Variants in KIF1B observed in about 807,000 individuals in gnomAD.
KIF1B encodes the protein kinesin family member 1B, also known as kinesin-like protein KIF1B.
In KIF1B, 76 loss-of-function variants were observed where a neutral mutation model predicts 241.9. The ratio of observed to expected loss-of-function variants is 0.31; its 90% CI spans 0.26 to 0.38. KIF1B has a LOEUF of 0.38. Among genes scored for constraint, KIF1B ranks in the 10% least tolerant of loss-of-function variants. KIF1B has a pLI of 1.00. For synonymous variants in KIF1B, 750 were observed against 796.7 expected (o/e 0.94, Z 0.99); for missense variants, 1,622 against 2,271.4 (o/e 0.71, Z 5.81).
chr1:10,326,698 G>GAA lies in KIF1B; in HGVS notation c.2924+340_2924+341dup, dbSNP rs1205520650. Among the ~76,000 whole-genome samples the GAA allele has an allele frequency of 6.6e-6, 1 of 152,178 alleles. No individual in the cohort carries two copies. Among genetic ancestry groups the GAA allele is most frequent in the Non-Finnish European group, 1.5e-5 (1 of 68,034 alleles). ...AAGAGTCAAACGTAGTGGGTTCAGTGAATAGTATTATGGTCTAGATGTTTC... is the reference window on the plus strand; with the variant it reads ...AAGAGTCAAACGTAGTGGGTTCAGTGAAAATAGTATTATGGTCTAGATGTTTC... On this transcript the variant is annotated intron_variant, in intron 27 of 48. Coordinates refer to ENST00000676179, the MANE Select transcript of KIF1B (RefSeq NM_001365951.3). The surrounding 1 kb of genome is among the most constrained non-coding windows in gnomAD (Gnocchi z 5.2).
chr1:10,376,577 C>T lies in KIF1B; in HGVS notation c.5441C>T (p.Ser1814Leu), dbSNP rs761319935. The change falls in exon 49 of 49, where the codon TCG becomes TTG. Residue 1814 changes from serine (S) to leucine (L), a missense_variant. Around this residue, in one of 7 missense-constraint regions of KIF1B, gnomAD observed 357 missense variants for 409.0 expected, o/e 0.87. Transcript: ENST00000676179. ...SKLSRRCPSQSKY is the reference protein window; with the variant it reads ...SKLSRRCPSQLKY ...CTTTCCCGCAGATGCCCGAGCCAGTCGAAATACTAAGTGACTCTGCCGAGT... is the reference window on the plus strand; with the variant it reads ...CTTTCCCGCAGATGCCCGAGCCAGTTGAAATACTAAGTGACTCTGCCGAGT... The T allele has an allele frequency of 6.2e-6, 10 of 1,613,972 alleles. No individual in the cohort carries two copies. The highest frequency in any genetic ancestry group is 2.2e-5 in the South Asian group (2 of 91,040).
chr1:10,335,841 G>GA (rs70997221), intron 28 of KIF1B, among the ~76,000 whole-genome samples: 51,067 of 143,844 alleles, frequency 0.36, 8,777 homozygotes, highest in Middle Eastern at 0.39. Context: ...AAAAACAATT[G>GA]AAAAAAAAAA....
At chr1:10,322,949 T>A (rs552651086) in intron 24 of KIF1B, among the ~76,000 whole-genome samples, 28 of 152,342 alleles carry the variant, frequency 1.8e-4, no homozygotes, top group African/African-American at 6.7e-4. Flanking sequence ...CACTTTTTTT[T>A]ATGAGATAGG....
At chr1:10,359,141 C>G (rs1209543800) in intron 38 of KIF1B, among the ~76,000 whole-genome samples, 2 of 151,858 alleles carry the variant, frequency 1.3e-5, no homozygotes, top group African/African-American at 4.8e-5. Flanking sequence ...AATGTGTTCT[C>G]TCTGTTGATC....
At chr1:10,276,892 C>G (rs1557682778) in intron 12 of KIF1B, among the ~76,000 whole-genome samples, 1 of 151,918 alleles carries the variant, frequency 6.6e-6, no homozygotes, top group Admixed American at 6.6e-5. Flanking sequence ...ACCAGCCTGG[C>G]CAACATGATG....
chr1:10,343,587 C>T (rs563912609), intron 34 of KIF1B, among the ~76,000 whole-genome samples: 26 of 152,024 alleles, frequency 1.7e-4, no homozygotes, highest in African/African-American at 5.5e-4. Context: ...GTGAAACCCT[C>T]GTCTCTACTA....
chr1:10,352,860 A>G, intron 38 of KIF1B, 124 bp downstream of exon 38: 2 of 704,654 alleles, frequency 2.8e-6, no homozygotes, highest in Non-Finnish European at 5.1e-6. Flanking sequence ...TCTCCCTTCT[A>G]GCTTCAAAAA....
intron 22 of KIF1B, among the ~76,000 whole-genome samples, chr1:10,313,045 C>CT (rs1651134824): frequency 2.0e-5 from 3 of 151,434 alleles, no homozygotes. Context: ...ATAGTACCAT[C>CT]TTTATTTTTT....
In KIF1B at chr1:10,371,163, G is replaced by A. The variant is rs2102358105; in HGVS notation, c.4847G>A (p.Gly1616Glu). The change falls in exon 45 of 49, where the codon GGA becomes GAA. Residue 1616 changes from glycine to glutamate, a missense_variant. Coordinates refer to ENST00000676179, the MANE Select transcript of KIF1B (RefSeq NM_001365951.3). The stretch of plus-strand genomic sequence containing the variant: ...CAGTTGTCTGATATCTCTCCAATTG[G>A]ACGGGATCCCTCTGAGTCCAGTTTC... The part of the protein sequence containing the change: ...DCKLSDISPI[G>E]RDPSESSFSS... 1.2e-6 allele frequency: 2 copies of A among 1,614,054 alleles called. No homozygotes were observed. Among genetic ancestry groups the A allele is most frequent in the Non-Finnish European group, 1.7e-6 (2 of 1,180,028 alleles).
Position 10,268,234 on chromosome 1 carries a change from GATA to G in KIF1B, c.694_696del (p.Asn232del). The G allele has an allele frequency of 1.2e-6, 2 of 1,612,720 alleles. No individual in the cohort carries two copies. The highest frequency in any genetic ancestry group is 1.7e-6 in the Non-Finnish European group (2 of 1,178,736). On this transcript the variant is annotated inframe_deletion, in exon 7 of 49. Transcript: ENST00000676179. ...GATTGTTTTCACCCAGAAGAAACAC[GATA>G]ATGAGACCAACCTTTCCACTGAGAA...
chr1:10,254,724 A>AC (rs1251642278), intron 2 of KIF1B, among the ~76,000 whole-genome samples: 1 of 151,754 alleles, frequency 6.6e-6, no homozygotes, highest in Non-Finnish European at 1.5e-5. Flanking sequence ...AAAATACAAA[A>AC]AAATTAGCTG....
chr1:10,361,666 T>A, intron 39 of KIF1B, 26 bp from the exon 40 acceptor site: 1 of 1,613,074 alleles, frequency 6.2e-7, no homozygotes. Flanking sequence ...CTGCACTTCA[T>A]CAGCACCTAC....
intron 22 of KIF1B, among the ~76,000 whole-genome samples, chr1:10,302,470 A>T (rs894334535): frequency 2.6e-5 from 4 of 152,234 alleles, no homozygotes; most frequent in African/African-American, 9.6e-5. Flanking sequence ...CTAAGAACTG[A>T]CATGGTCTGC....
intron 24 of KIF1B, among the ~76,000 whole-genome samples, chr1:10,323,014 G>A (rs975734691): frequency 6.6e-6 from 1 of 152,076 alleles, no homozygotes; most frequent in Non-Finnish European, 1.5e-5. Flanking sequence ...GCTCACTACT[G>A]CCTCCACCTT....
intron 27 of KIF1B, among the ~76,000 whole-genome samples, chr1:10,332,185 G>A (rs977346153): frequency 6.0e-5 from 9 of 149,414 alleles, no homozygotes; most frequent in African/African-American, 1.5e-4. Flanking sequence ...CTGCCTCGGC[G>A]CCCCCGAGTA....
At chr1:10,364,200 CTT>C (rs779967463) in intron 41 of KIF1B, among the ~76,000 whole-genome samples, 11 of 113,838 alleles carry the variant, frequency 9.7e-5, no homozygotes, top group African/African-American at 1.7e-4. Flanking sequence ...GGGACAGGAT[CTT>C]TTTTTTTTTT....
chr1:10,341,925 G>C lies in KIF1B; in HGVS notation c.3514-125G>C, dbSNP rs138254422. The C allele has an allele frequency of 1.2e-4, 89 of 722,362 alleles. 2 individuals carry two copies. In the East Asian group the frequency reaches 2.2e-3, roughly 18 times the overall value. The allele number at this position is 722,362 out of a possible 1,614,324, so 44.7% of individuals were successfully genotyped here. A position where few individuals can be genotyped will look rare whatever the true frequency, so the allele number is the denominator to read the frequency against. ...GGGTGAGGCCGCATGAGCCTTGTTT[G>C]CGTGCTACAGAGCAAGACCTTGCCT... On this transcript the variant is annotated intron_variant, in intron 32 of 48. Transcript: ENST00000676179.
Position 10,334,704 on chromosome 1 carries a change from T to C in KIF1B, c.3043+66T>C, listed in dbSNP as rs1652098690. The C allele has an allele frequency of 2.4e-6, 3 of 1,244,626 alleles. No homozygotes were observed. In the East Asian group the frequency reaches 7.0e-5, roughly 29 times the overall value. 77.1% of individuals were successfully genotyped at this position (1,244,626 alleles called of 1,614,324 possible). The stretch of plus-strand genomic sequence containing the variant: ...GTCTAGAGACAAAGCAGGCTGATTC[T>C]GCGTGGGTCACGCTTATATTACACA... On this transcript the variant is annotated intron_variant, in intron 28 of 48. Coordinates refer to ENST00000676179, the MANE Select transcript of KIF1B (RefSeq NM_001365951.3).
chr1:10,270,818 C>T (rs767642895), intron 7 of KIF1B, among the ~76,000 whole-genome samples: 10 of 150,648 alleles, frequency 6.6e-5, no homozygotes, highest in Non-Finnish European at 1.3e-4. Flanking sequence ...CTCAGCTACT[C>T]GGGAGGCTGA....
Sources: allele counts gnomAD v4.1 joint callset (sites outside exome capture counted in the v4.1 genomes callset), GRCh38; gene constraint gnomAD v4.1.1; regional missense constraint gnomAD v4.1.1; non-coding constraint Gnocchi (gnomAD v3.1); transcripts MANE v1.5; gene names NCBI Gene and HGNC (gene_info 2026-07-23, HGNC 2026-07-21).